The following SYNJ2BP variants were observed in gnomAD, a reference collection of about 807,000 sequenced individuals.
SYNJ2BP encodes the protein synaptojanin 2 binding protein, also known as synaptojanin-2-binding protein.
Under a neutral mutation model 16.9 loss-of-function variants are expected in SYNJ2BP, and 10 were observed. The observed-to-expected ratio is 0.59, with a 90% CI of 0.36 to 1.00. The LOEUF is 1.00. SYNJ2BP is among the 50% of genes least tolerant of loss of function. The pLI is 0.01. For missense variants in SYNJ2BP, 162 were observed against 186.7 expected, an observed-to-expected ratio of 0.87 and a Z score of 0.77; for synonymous variants, 54 against 68.4, an observed-to-expected ratio of 0.79 and a Z score of 1.04.
intron 2 of SYNJ2BP, among the ~76,000 whole-genome samples, chr14:70,380,807 G>A (rs1041606569): frequency 5.9e-5 from 9 of 151,710 alleles, no homozygotes; most frequent in Admixed American, 4.6e-4. Flanking sequence ...TCTAGATAAC[G>A]TCACTAGATA....
chr14:70,416,877 G>A, intron 1 of SYNJ2BP, 23 bp downstream of exon 1: 1 of 1,614,082 alleles, frequency 6.2e-7, no homozygotes. Context: ...CCTACTGTCA[G>A]ATATGACCCT....
chr14:70,391,726 A>G (rs1420719755), intron 1 of SYNJ2BP, among the ~76,000 whole-genome samples: 2 of 151,896 alleles, frequency 1.3e-5, no homozygotes, highest in African/African-American at 2.4e-5. Context: ...CTAACTGTAG[A>G]AAAAAAAGGA....
rs73290343 is a variant in SYNJ2BP at position 70,397,760 on chromosome 14, G to C, written c.65-9154C>G. ...TTTCTCTTCACCCACAATGTGGCAAGCAAGGGGCATGTCTCAGCCCTGACT... is the reference window on the plus strand; with the variant it reads ...TTTCTCTTCACCCACAATGTGGCAACCAAGGGGCATGTCTCAGCCCTGACT... On this transcript the variant is annotated intron_variant, in intron 1 of 3. Transcript: ENST00000256366. Among the ~76,000 whole-genome samples, 1,389 of 152,330 alleles carry C rather than the reference G, an allele frequency of 9.1e-3. 16 individuals are homozygous for C. The highest frequency in any genetic ancestry group is 0.032 in the African/African-American group (1,322 of 41,576).
intron 3 of SYNJ2BP, among the ~76,000 whole-genome samples, chr14:70,375,205 CT>C (rs201793770): frequency 2.1e-3 from 259 of 121,132 alleles, no homozygotes; most frequent in African/African-American, 3.1e-3. Flanking sequence ...CTCTTTTTTT[CT>C]TTTTTTTTTT....
At chr14:70,380,802 A>G (rs1417613154) in intron 2 of SYNJ2BP, among the ~76,000 whole-genome samples, 2 of 152,188 alleles carry the variant, frequency 1.3e-5, no homozygotes, top group Non-Finnish European at 2.9e-5. Context: ...GCCTTTCTAG[A>G]TAACGTCACT....
chr14:70,415,260 G>A (rs892400892), intron 1 of SYNJ2BP, among the ~76,000 whole-genome samples: 35 of 150,826 alleles, frequency 2.3e-4, no homozygotes, highest in Non-Finnish European at 4.0e-4. Context: ...TAATAGAAAG[G>A]AAGGCAGGGC....
chr14:70,409,566 T>C (rs371247131), intron 1 of SYNJ2BP, among the ~76,000 whole-genome samples: 7 of 152,350 alleles, frequency 4.6e-5, no homozygotes, highest in African/African-American at 1.7e-4. Flanking sequence ...TTCTTTAGTA[T>C]TGTTTTGAAA....
At position 70,380,284 on chromosome 14, in the gene SYNJ2BP, T is replaced by G. The variant is rs949253660; in HGVS notation, c.202-4513A>C. On this transcript the variant is annotated intron_variant, in intron 2 of 3. Transcript: ENST00000256366. ...GCAAGGATTTTATTTCAGCAACATATTACTGCCTATCACATATATGTTGTA... is the reference window on the plus strand; with the variant it reads ...GCAAGGATTTTATTTCAGCAACATAGTACTGCCTATCACATATATGTTGTA... Among the ~76,000 whole-genome samples the G allele has an allele frequency of 2.0e-5, 3 of 152,352 alleles. No homozygotes were observed. In the South Asian group the frequency reaches 6.2e-4, roughly 32 times the overall value.
chr14:70,407,114 T>C (rs923572923), intron 1 of SYNJ2BP, among the ~76,000 whole-genome samples: 4 of 148,580 alleles, frequency 2.7e-5, no homozygotes, highest in African/African-American at 7.6e-5. Flanking sequence ...GCAAAAGTAA[T>C]TGCAGTTTTT....
rs767257952 is a variant in SYNJ2BP at position 70,416,997 on chromosome 14, A to G, written c.-34T>C. ...GCTCGTCTGGCTTCCTACTTGGGTCAGCTGGAGTGCAGCACAGGTGAAGGT... is the reference window on the plus strand; with the variant it reads ...GCTCGTCTGGCTTCCTACTTGGGTCGGCTGGAGTGCAGCACAGGTGAAGGT... On this transcript the variant is annotated 5_prime_UTR_variant, in exon 1 of 4. Transcript: ENST00000256366. The G allele has an allele frequency of 8.7e-6, 14 of 1,614,032 alleles. No individual in the cohort carries two copies. In the South Asian group the frequency reaches 8.8e-5, roughly 10 times the overall value.
In SYNJ2BP at chr14:70,371,037, A is replaced by T. The variant is rs775022083; in HGVS notation, c.*1954T>A. On this transcript the variant is annotated 3_prime_UTR_variant, in exon 4 of 4. Coordinates refer to ENST00000256366, the MANE Select transcript of SYNJ2BP (RefSeq NM_018373.3). ...GATGTCCAATCAACATTTAATTACC[A>T]GACTGTCCAAGCTAGAAATGAAATA... is the stretch of plus-strand genomic sequence containing the variant. 2 of 152,216 alleles carry T rather than the reference A, an allele frequency of 1.3e-5. No individual in the cohort carries two copies. Among genetic ancestry groups the T allele is most frequent in the Non-Finnish European group, 2.9e-5 (2 of 68,048 alleles). The allele number at this position is 152,216 out of a possible 1,614,324, so 9.4% of individuals were successfully genotyped here. A position where few individuals can be genotyped will look rare whatever the true frequency, so the allele number is the denominator to read the frequency against.
chr14:70,369,123 T>C lies in SYNJ2BP; in HGVS notation c.*3868A>G, dbSNP rs1461309929. The stretch of plus-strand genomic sequence containing the variant: ...TGCTTTTTGTTTTTTGTTTGTTTGT[T>C]TTTTTGTTTTTGAGACAAGGTCTCA... On this transcript the variant is annotated 3_prime_UTR_variant, in exon 4 of 4. Coordinates refer to ENST00000256366, the MANE Select transcript of SYNJ2BP (RefSeq NM_018373.3). 2 of 150,790 alleles carry C rather than the reference T, an allele frequency of 1.3e-5. No individual in the cohort carries two copies. Among genetic ancestry groups the C allele is most frequent in the African/African-American group, 4.9e-5 (2 of 40,776 alleles). The allele number at this position is 150,790 out of a possible 1,614,324, so 9.3% of individuals were successfully genotyped here.
intron 1 of SYNJ2BP, among the ~76,000 whole-genome samples, chr14:70,409,379 C>T (rs887409054): frequency 6.6e-6 from 1 of 152,224 alleles, no homozygotes; most frequent in African/African-American, 2.4e-5. Context: ...ACCCTATCAT[C>T]TAAGTATAGT....
In SYNJ2BP at chr14:70,370,094, A is replaced by C. The variant is rs1459083403; in HGVS notation, c.*2897T>G. On this transcript the variant is annotated 3_prime_UTR_variant, in exon 4 of 4. Coordinates refer to ENST00000256366, the MANE Select transcript of SYNJ2BP (RefSeq NM_018373.3). ...GCTACTTAATTTCTGAGAAAACCTA[A>C]GTTATAAGAGTACATCAGAATCTCT... is the stretch of plus-strand genomic sequence containing the variant. 2 of 152,224 alleles carry C rather than the reference A, an allele frequency of 1.3e-5. No homozygotes were observed. The highest frequency in any genetic ancestry group is 2.9e-5 in the Non-Finnish European group (2 of 68,050). The allele number at this position is 152,224 out of a possible 1,614,324, so 9.4% of individuals were successfully genotyped here. A position where few individuals can be genotyped will look rare whatever the true frequency, so the allele number is the denominator to read the frequency against.
rs551340598 is a variant in SYNJ2BP, at chr14:70,369,098, T to C, written c.*3893A>G. ...ACTTCTTTTTTCTCTTCTGGGAACTTGCTTTTTGTTTTTTGTTTGTTTGTT... is the reference window on the plus strand; with the variant it reads ...ACTTCTTTTTTCTCTTCTGGGAACTCGCTTTTTGTTTTTTGTTTGTTTGTT... On this transcript the variant is annotated 3_prime_UTR_variant, in exon 4 of 4. Transcript: ENST00000256366. The C allele has an allele frequency of 8.5e-5, 13 of 152,306 alleles. No individual in the cohort carries two copies. Among genetic ancestry groups the C allele is most frequent in the Admixed American group, 6.5e-5 (1 of 15,284 alleles). The allele number at this position is 152,306 out of a possible 1,614,324, so 9.4% of individuals were successfully genotyped here.
chr14:70,403,867 A>G (rs1413561988), intron 1 of SYNJ2BP, among the ~76,000 whole-genome samples: 1 of 152,248 alleles, frequency 6.6e-6, no homozygotes, highest in Non-Finnish European at 1.5e-5. Context: ...ACCCCTTTCC[A>G]GTAACAAAAT....
Position 70,369,958 on chromosome 14 carries a change from T to A in SYNJ2BP, c.*3033A>T, listed in dbSNP as rs1303093665. Reference sequence around the variant, plus strand: ...ACTCAATCTATGAAGAACATGAATTTTTTTACAACCTATAATGGATCCTGA... The same window carrying A: ...ACTCAATCTATGAAGAACATGAATTATTTTACAACCTATAATGGATCCTGA... On this transcript the variant is annotated 3_prime_UTR_variant, in exon 4 of 4. Transcript: ENST00000256366. The A allele has an allele frequency of 6.6e-6, 1 of 152,200 alleles. No individual in the cohort carries two copies. The highest frequency in any genetic ancestry group is 1.5e-5 in the Non-Finnish European group (1 of 68,024). 9.4% of individuals were successfully genotyped at this position (152,200 alleles called of 1,614,324 possible).
intron 2 of SYNJ2BP, among the ~76,000 whole-genome samples, chr14:70,375,993 A>G (rs1594941292): frequency 1.3e-5 from 2 of 152,236 alleles, no homozygotes; most frequent in Non-Finnish European, 2.9e-5. Flanking sequence ...AAGAGAACCT[A>G]TGTAAAATAA....
intron 2 of SYNJ2BP, among the ~76,000 whole-genome samples, chr14:70,378,424 CTTT>C (rs34309608): frequency 8.2e-5 from 9 of 110,120 alleles, no homozygotes; most frequent in Admixed American, 1.9e-4. Context: ...TTCCTTCAAA[CTTT>C]TTTTTTTTTT....
Sources: allele counts gnomAD v4.1 joint callset (sites outside exome capture counted in the v4.1 genomes callset), GRCh38; gene constraint gnomAD v4.1.1; transcripts MANE v1.5; gene names NCBI Gene and HGNC (gene_info 2026-07-23, HGNC 2026-07-21).